WNK1: variants seen among roughly 807,000 people sequenced by gnomAD.
WNK1 encodes serine/threonine-protein kinase WNK1.
WNK1 carries 38 observed loss-of-function variants against 222.8 expected under a neutral mutation model. The ratio of observed to expected loss-of-function variants is 0.17; its 90% CI spans 0.13 to 0.22. The LOEUF is 0.22. Among genes scored for constraint, WNK1 ranks in the 10% least tolerant of loss-of-function variants. The pLI is 1.00. For synonymous variants in WNK1, 1,090 were observed against 1,092.9 expected, an observed-to-expected ratio of 1.00 and a Z score of 0.05; for missense variants, 2,348 against 2,918.4, an observed-to-expected ratio of 0.80 and a Z score of 4.50.
At chr12:767,195 TA>T (rs1565398400) in intron 1 of WNK1, among the ~76,000 whole-genome samples, 1 of 150,520 alleles carries the variant, frequency 6.6e-6, no homozygotes, top group African/African-American at 2.4e-5. Flanking sequence ...GCAGATTTCT[TA>T]AAATATTCCT....
intron 4 of WNK1, among the ~76,000 whole-genome samples, chr12:847,801 C>CTTTTTTTTTTTTTTTTTTTT (rs898832948): frequency 1.5e-5 from 1 of 68,640 alleles, no homozygotes; most frequent in Non-Finnish European, 2.6e-5. Context: ...GATTAATTCT[C>CTTTTTTTTTTTTTTTTTTTT]TTTTTTTTTT....
chr12:891,968 A>G (rs893913534), intron 22 of WNK1, among the ~76,000 whole-genome samples: 3 of 151,834 alleles, frequency 2.0e-5, no homozygotes, highest in Admixed American at 6.6e-5. Context: ...GTATAGGTCA[A>G]TGGATTTTAA....
chr12:906,678 T>C, intron 26 of WNK1: 1 of 985,240 alleles, frequency 1.0e-6, no homozygotes, highest in Non-Finnish European at 1.2e-6. Flanking sequence ...CAAATTCATG[T>C]TTATGGGTCC....
chr12:820,630 A>G (rs1158209602), intron 2 of WNK1, among the ~76,000 whole-genome samples: 1 of 151,948 alleles, frequency 6.6e-6, no homozygotes, highest in Non-Finnish European at 1.5e-5. Flanking sequence ...GTGTACCACC[A>G]TGCCTGGCTA....
chr12:861,000 T>C lies in WNK1; in HGVS notation c.1621-13T>C. The stretch of plus-strand genomic sequence containing the variant: ...CAATATACTACTGCTTAATTTACCC[T>C]TTTATTCTGTAGGTAGAGTCTGGGT... On this transcript the variant is annotated splice_polypyrimidine_tract_variant and intron_variant, in intron 6 of 27. Transcript: ENST00000315939. The C allele has an allele frequency of 6.2e-7, 1 of 1,612,612 alleles. No individual in the cohort carries two copies.
chr12:885,138 C>T lies in WNK1; in HGVS notation c.4334C>T (p.Thr1445Ile), dbSNP rs1237948163. The T allele has an allele frequency of 2.5e-6, 4 of 1,614,098 alleles. No homozygotes were observed. The highest frequency in any genetic ancestry group is 1.3e-5 in the African/African-American group (1 of 74,942). ...ACATCTGAGATCGTTGTTTCTAGTA[C>T]AGCACTGTATCCTTCAGTAACAGTT... ...TSTSEIVVSS[T>I]ALYPSVTVSA... is the part of the protein sequence containing the mutation. The change falls in exon 19 of 28, where the codon ACA becomes ATA. Residue 1445 changes from threonine (T) to isoleucine (I), a missense_variant. This residue lies in a region of WNK1 where 1,144 missense variants were observed against 1,273.6 expected (regional missense o/e 0.90). Coordinates refer to ENST00000315939, the MANE Select transcript of WNK1 (RefSeq NM_018979.4).
At position 787,901 on chromosome 12, in the gene WNK1, C is replaced by T. The variant is rs538866772; in HGVS notation, c.760-25741C>T. 1.2e-4 allele frequency among the ~76,000 whole-genome samples: 18 copies of T among 152,196 alleles called. No individual in the cohort carries two copies. In the South Asian group the frequency reaches 3.5e-3, roughly 30 times the overall value. ...ATCAGGTTTCTCCAAGGCAACAAAA[C>T]CATTAGGAGATTTTGTATATAACAG... is the stretch of plus-strand genomic sequence containing the variant. On this transcript the variant is annotated intron_variant, in intron 1 of 27. Transcript: ENST00000315939.
In WNK1 at chr12:862,250, G is replaced by C; in HGVS notation, c.2119G>C (p.Val707Leu). ...CCAAGCACAGTCTCAGCCCCATGGG[G>C]TATATCCACCCTCAAGTGTGGTAAG... ...TVQAQSQPHG[V>L]YPPSSVAQGQ... The change falls in exon 8 of 28, where the codon GTA becomes CTA. Residue 707 changes from valine (V) to leucine (L), a missense_variant. Around this residue, in one of 13 missense-constraint regions of WNK1, gnomAD observed 547 missense variants for 558.3 expected, o/e 0.98. Transcript: ENST00000315939. 1.2e-6 allele frequency: 2 copies of C among 1,614,052 alleles called. No homozygotes were observed. Among genetic ancestry groups the C allele is most frequent in the Non-Finnish European group, 1.7e-6 (2 of 1,179,970 alleles).
chr12:875,316 T>TGA (rs1952508364), intron 9 of WNK1, among the ~76,000 whole-genome samples: 1 of 152,200 alleles, frequency 6.6e-6, no homozygotes, highest in African/African-American at 2.4e-5. Flanking sequence ...ATTCAGACCT[T>TGA]TATCGTACTC....
chr12:830,623 T>G (rs925728135), intron 4 of WNK1, among the ~76,000 whole-genome samples: 3 of 152,258 alleles, frequency 2.0e-5, no homozygotes, highest in Non-Finnish European at 2.9e-5. Context: ...ATAAATACCT[T>G]ATTGTAGTTT....
chr12:882,023 A>G lies in WNK1; in HGVS notation c.3322A>G (p.Ser1108Gly), dbSNP rs1410571220. 6.2e-7 allele frequency: 1 copy of G among 1,614,158 alleles called. No homozygotes were observed. Among genetic ancestry groups the G allele is most frequent in the South Asian group, 1.1e-5 (1 of 91,072 alleles). ...ACGGCATTACCGAAAATCTGTAAGG[A>G]GTCGCTCTCGACATGAAAAAACTTC... ...TKRHYRKSVR[S>G]RSRHEKTSRP... is the part of the protein sequence containing the mutation. The change falls in exon 14 of 28, where the codon AGT (serine) becomes GGT (glycine). Residue 1108 changes from serine to glycine, a missense_variant. This residue lies in a region of WNK1 where 547 missense variants were observed against 558.3 expected (regional missense o/e 0.98). Coordinates refer to ENST00000315939, the MANE Select transcript of WNK1 (RefSeq NM_018979.4).
chr12:833,551 A>G (rs1387757202), intron 4 of WNK1, among the ~76,000 whole-genome samples: 3 of 152,142 alleles, frequency 2.0e-5, no homozygotes, highest in South Asian at 4.1e-4. Context: ...CAGTCAATCC[A>G]TATACTTAAC....
Position 884,177 on chromosome 12 carries a change from G to A in WNK1, c.3778G>A (p.Val1260Met). The change falls in exon 18 of 28, where the codon GTG becomes ATG. Residue 1260 changes from valine (V) to methionine (M), a missense_variant. Transcript: ENST00000315939. The surrounding 1 kb of genome is among the most constrained non-coding windows in gnomAD (Gnocchi z 5.6). The part of the protein sequence containing the change: ...VVHSAGRRFI[V>M]SPVPESRLRE... ...TCATTCTGCGGGAAGGCGGTTTATA[G>A]TGAGTCCTGTGCCAGAAAGCCGATT... is the stretch of plus-strand genomic sequence containing the variant. The A allele has an allele frequency of 6.2e-7, 1 of 1,614,178 alleles. No homozygotes were observed. Among genetic ancestry groups the A allele is most frequent in the Non-Finnish European group, 8.5e-7 (1 of 1,180,022 alleles).
intron 4 of WNK1, among the ~76,000 whole-genome samples, chr12:834,608 A>G (rs1399321989): frequency 2.6e-5 from 4 of 152,194 alleles, no homozygotes; most frequent in Non-Finnish European, 4.4e-5. Context: ...TCCTTGCCCT[A>G]GTTATTGCCA....
intron 1 of WNK1, among the ~76,000 whole-genome samples, chr12:756,451 AC>A (rs2081452554): frequency 1.3e-5 from 2 of 152,222 alleles, no homozygotes; most frequent in Non-Finnish European, 2.9e-5. Flanking sequence ...CATGGGCATT[AC>A]CAAACTAAAG....
chr12:794,142 T>C (rs1331543897), intron 1 of WNK1, among the ~76,000 whole-genome samples: 3 of 152,218 alleles, frequency 2.0e-5, no homozygotes, highest in African/African-American at 7.2e-5. Context: ...GGAGATACCA[T>C]TGTGTTTATT....
In WNK1 at chr12:903,975, A is replaced by C. The variant is rs72650784; in HGVS notation, c.6643+3305A>C. On this transcript the variant is annotated intron_variant, in intron 26 of 27. Coordinates refer to ENST00000315939, the MANE Select transcript of WNK1 (RefSeq NM_018979.4). ...TGTGGGATGTGGAAATATAATAGCC[A>C]ATTTAAATGAACTTAAAGCTGTAAC... Among the ~76,000 whole-genome samples, 612 of 152,344 alleles carry C rather than the reference A, an allele frequency of 4.0e-3. 8 individuals carry two copies. Among genetic ancestry groups the C allele is most frequent in the African/African-American group, 0.014 (584 of 41,582 alleles).
At chr12:872,305 G>A (rs1395430138) in intron 9 of WNK1, among the ~76,000 whole-genome samples, 9 of 151,722 alleles carry the variant, frequency 5.9e-5, no homozygotes, top group African/African-American at 9.7e-5. Flanking sequence ...TTTGTATTAC[G>A]TTCTACTTAT....
chr12:788,895 A>T (rs543054615), intron 1 of WNK1, among the ~76,000 whole-genome samples: 1 of 151,638 alleles, frequency 6.6e-6, no homozygotes, highest in South Asian at 2.1e-4. Flanking sequence ...TCGGGGGGGA[A>T]AAAGAAAGGT....
Sources: allele counts gnomAD v4.1 joint callset (sites outside exome capture counted in the v4.1 genomes callset), GRCh38; gene constraint gnomAD v4.1.1; regional missense constraint gnomAD v4.1.1; non-coding constraint Gnocchi (gnomAD v3.1); transcripts MANE v1.5; gene names NCBI Gene and HGNC (gene_info 2026-07-23, HGNC 2026-07-21).